CATSPERD: variants seen among roughly 807,000 people sequenced by gnomAD.
CATSPERD encodes catsper channel auxiliary subunit delta, also known as cation channel sperm-associated auxiliary subunit delta.
CATSPERD carries 86 observed loss-of-function variants against 98.1 expected under a neutral mutation model. The ratio of observed to expected loss-of-function variants is 0.88; its 90% CI spans 0.74 to 1.05. CATSPERD has a LOEUF of 1.05. Ranked by LOEUF, CATSPERD falls within the 50% of genes least tolerant of loss-of-function variation. The pLI, the probability that CATSPERD is intolerant of heterozygous loss-of-function variation, is 0.00. For synonymous variants in CATSPERD, 394 were observed against 390.2 expected (o/e 1.01, Z -0.12); for missense variants, 995 against 1,005.7 (o/e 0.99, Z 0.14).
intron 12 of CATSPERD, among the ~76,000 whole-genome samples, chr19:5,752,304 G>A (rs963020749): frequency 9.9e-5 from 15 of 151,244 alleles, no homozygotes; most frequent in African/African-American, 2.7e-4. Context: ...GCGAGACTTC[G>A]TCTCAAATAA....
At chr19:5,721,397 C>T (rs2055472017) in intron 1 of CATSPERD, among the ~76,000 whole-genome samples, 1 of 151,802 alleles carries the variant, frequency 6.6e-6, no homozygotes, top group Non-Finnish European at 1.5e-5. Flanking sequence ...CTGCAACCCC[C>T]GCCTCCCAAA....
intron 17 of CATSPERD, among the ~76,000 whole-genome samples, chr19:5,766,841 C>G (rs955863693): frequency 6.6e-6 from 1 of 151,338 alleles, no homozygotes; most frequent in Non-Finnish European, 1.5e-5. Flanking sequence ...TACAGGCGCC[C>G]GCTACCATGC....
At chr19:5,726,412 C>G (rs1479391134) in intron 2 of CATSPERD, among the ~76,000 whole-genome samples, 1 of 151,828 alleles carries the variant, frequency 6.6e-6, no homozygotes, top group African/African-American at 2.4e-5. Context: ...GACAGTGTAT[C>G]TCTTTATTGC....
intron 21 of CATSPERD, among the ~76,000 whole-genome samples, chr19:5,776,845 T>G (rs558849047): frequency 2.7e-5 from 4 of 149,944 alleles, no homozygotes; most frequent in African/African-American, 9.8e-5. Flanking sequence ...CTCACTGGCC[T>G]CTAGCCTGGG....
chr19:5,744,368 C>A, intron 7 of CATSPERD, 59 bp from the exon 8 acceptor site: 1 of 1,396,444 alleles, frequency 7.2e-7, no homozygotes, highest in Admixed American at 1.9e-5. Flanking sequence ...GAAGTTAAAC[C>A]GACAAACACA....
At chr19:5,763,889 C>T (rs996344438) in intron 16 of CATSPERD, among the ~76,000 whole-genome samples, 3 of 92,968 alleles carry the variant, frequency 3.2e-5, no homozygotes, top group African/African-American at 1.1e-4. Context: ...ACTCTGTCGC[C>T]CAGACTGGAA....
intron 6 of CATSPERD, 28 bp from the exon 7 acceptor site, chr19:5,739,290 TTTCTTTCA>T (rs1203721779): frequency 4.2e-6 from 5 of 1,202,900 alleles, no homozygotes; most frequent in Non-Finnish European, 6.0e-6. Context: ...TGCTGGCATC[TTTCTTTCA>T]TTCTTTCTTT....
chr19:5,775,648 C>CAAAAA (rs1156270373), intron 20 of CATSPERD, among the ~76,000 whole-genome samples: 4 of 61,408 alleles, frequency 6.5e-5, no homozygotes, highest in Non-Finnish European at 1.0e-4. Context: ...AACCCCATCT[C>CAAAAA]AAAAAAAAAA....
intron 7 of CATSPERD, among the ~76,000 whole-genome samples, chr19:5,741,716 C>G (rs2055966933): frequency 7.2e-6 from 1 of 139,678 alleles, no homozygotes; most frequent in Non-Finnish European, 1.5e-5. Flanking sequence ...AGGTGGCCTT[C>G]AAATCAAATG....
intron 17 of CATSPERD, among the ~76,000 whole-genome samples, 175 bp downstream of exon 17, chr19:5,766,330 A>G (rs566522428): frequency 1.3e-5 from 2 of 150,196 alleles, no homozygotes; most frequent in East Asian, 3.9e-4. Flanking sequence ...AGACACCTGC[A>G]ATCTCGGCTA....
At chr19:5,773,849 T>TGG in intron 20 of CATSPERD, among the ~76,000 whole-genome samples, 1 of 152,110 alleles carries the variant, frequency 6.6e-6, no homozygotes, top group East Asian at 1.9e-4. Flanking sequence ...GTCCTGTCCC[T>TGG]ACAAAGAGAT....
At chr19:5,768,123 C>A (rs1446230145) in intron 17 of CATSPERD, 45 bp from the exon 18 acceptor site, 2 of 1,566,074 alleles carry the variant, frequency 1.3e-6, no homozygotes, top group East Asian at 2.3e-5. Flanking sequence ...TGGTTTGGTT[C>A]TTTGTGAGGT....
At chr19:5,763,847 CTTTTTT>C (rs56352544) in intron 16 of CATSPERD, among the ~76,000 whole-genome samples, 5 of 62,120 alleles carry the variant, frequency 8.0e-5, no homozygotes, top group Admixed American at 2.6e-4. Context: ...TCTTGAACTC[CTTTTTT>C]TTTTTTTTTT....
chr19:5,757,741 C>T lies in CATSPERD; in HGVS notation c.1279-102C>T, dbSNP rs187064172. The T allele has an allele frequency of 1.8e-4, 152 of 821,632 alleles. No homozygotes were observed. In the African/African-American group the frequency reaches 2.5e-3, roughly 13 times the overall value. 50.9% of individuals were successfully genotyped at this position (821,632 alleles called of 1,614,324 possible). ...CAGATATGAGCCACTACACCCAGCC[C>T]TGATTTTTCATTTGAAGGTGTGCTG... is the stretch of plus-strand genomic sequence containing the variant. On this transcript the variant is annotated intron_variant, in intron 13 of 21. Transcript: ENST00000381624.
At chr19:5,748,521 C>T (rs2056139823) in intron 10 of CATSPERD, among the ~76,000 whole-genome samples, 1 of 150,312 alleles carries the variant, frequency 6.7e-6, no homozygotes, top group Admixed American at 6.7e-5. Flanking sequence ...ATCCCAGCTA[C>T]TCAGGAGGCT....
Position 5,772,724 on chromosome 19 carries a change from TG to T in CATSPERD, c.1764-62del, listed in dbSNP as rs2056672552. On this transcript the variant is annotated intron_variant, in intron 19 of 21. Transcript: ENST00000381624. ...GGTTTTGCAGCCGTCCAGGTGGCTGTGGCCCGGGTCTTCCTGGGTTGTCCCT... is the reference window on the plus strand; with the variant it reads ...GGTTTTGCAGCCGTCCAGGTGGCTGTGCCCGGGTCTTCCTGGGTTGTCCCT... 2.0e-6 allele frequency: 3 copies of T among 1,535,842 alleles called. No individual in the cohort carries two copies. In the Admixed American group the frequency reaches 5.8e-5, roughly 30 times the overall value.
intron 13 of CATSPERD, among the ~76,000 whole-genome samples, chr19:5,754,954 C>G (rs2056298374): frequency 6.6e-6 from 1 of 151,640 alleles, no homozygotes; most frequent in Non-Finnish European, 1.5e-5. Flanking sequence ...AAGCCATTCT[C>G]CTGCCTCAGC....
chr19:5,760,834 G>C (rs1222200669), intron 15 of CATSPERD, among the ~76,000 whole-genome samples: 1 of 151,872 alleles, frequency 6.6e-6, no homozygotes, highest in Non-Finnish European at 1.5e-5. Flanking sequence ...GATTGCTTGA[G>C]CTCAGGAGTT....
At position 5,750,407 on chromosome 19, in the gene CATSPERD, A is replaced by C. The variant is rs1369617750; in HGVS notation, c.987+1224A>C. ...CGGAGCTTGCAGTGAGCAGAGATCA[A>C]GCCACTGCACTCTAGCCTGGGTGAC... On this transcript the variant is annotated intron_variant, in intron 11 of 21. Transcript: ENST00000381624. Among the ~76,000 whole-genome samples, 5 of 131,886 alleles carry C rather than the reference A, an allele frequency of 3.8e-5. No individual in the cohort carries two copies. The East Asian group carries it at 1.1e-3, about 28-fold the overall frequency. The allele number at this position is 131,886 out of a possible 152,430, so 86.5% of individuals were successfully genotyped here.
Sources: gnomAD v4.1 joint callset for allele counts (sites outside exome capture counted in the v4.1 genomes callset) on GRCh38, gnomAD v4.1.1 for gene constraint, MANE v1.5 for transcripts, NCBI Gene and HGNC (gene_info 2026-07-23, HGNC 2026-07-21) for gene names.